Variants in ALDH5A1 observed in about 807,000 individuals in gnomAD.
ALDH5A1 encodes aldehyde dehydrogenase 5 family member A1.
In ALDH5A1, 33 loss-of-function variants were observed where a neutral mutation model predicts 54.7. The observed-to-expected ratio is 0.60, with a 90% CI of 0.46 to 0.81. ALDH5A1 has a LOEUF of 0.81. Ranked by LOEUF, ALDH5A1 falls within the 30% of genes least tolerant of loss-of-function variation. The pLI, the probability that ALDH5A1 is intolerant of heterozygous loss-of-function variation, is 0.00. For synonymous variants in ALDH5A1, 294 were observed against 292.7 expected, an observed-to-expected ratio of 1.00 and a Z score of -0.05; for missense variants, 657 against 711.0, an observed-to-expected ratio of 0.92 and a Z score of 0.86.
chr6:24,503,370 G>A lies in ALDH5A1; in HGVS notation c.546G>A (p.Pro182=), dbSNP rs779987239. The A allele has an allele frequency of 6.2e-6, 10 of 1,613,992 alleles. No homozygotes were observed. The Middle Eastern group carries it at 6.6e-4, about 107-fold the overall frequency. The change falls in exon 3 of 10, where the codon CCG becomes CCA. Residue 182 remains proline, a synonymous_variant. Coordinates refer to ENST00000357578, the MANE Select transcript of ALDH5A1 (RefSeq NM_001080.3). ...TTTACGGAGACATTATCCACACCCC[G>A]GCAAAGGACAGGCGGGCCCTGGTCC... is the stretch of plus-strand genomic sequence containing the variant. ...RRVYGDIIHT[P]AKDRRALVLK... is the part of the protein sequence containing the mutation.
At chr6:24,525,735 C>A (rs1366333497) in intron 7 of ALDH5A1, among the ~76,000 whole-genome samples, 1 of 151,998 alleles carries the variant, frequency 6.6e-6, no homozygotes, top group Non-Finnish European at 1.5e-5. Flanking sequence ...GATGGGTCTA[C>A]CCAGGGGAAC....
chr6:24,504,779 A>C (rs1263038218), intron 3 of ALDH5A1, 90 bp from the exon 4 acceptor site: 1 of 1,297,796 alleles, frequency 7.7e-7, no homozygotes, highest in Non-Finnish European at 1.1e-6. Context: ...TGTGCAATGA[A>C]ATTTGTTCAC....
chr6:24,526,944 TATATA>T (rs1264976221), intron 7 of ALDH5A1, among the ~76,000 whole-genome samples: 1 of 120,188 alleles, frequency 8.3e-6, no homozygotes, highest in African/African-American at 3.4e-5. Context: ...ATATTCTATA[TATATA>T]TCTAATATAT....
chr6:24,529,942 GATT>G (rs1759897095), intron 8 of ALDH5A1, among the ~76,000 whole-genome samples: 1 of 152,166 alleles, frequency 6.6e-6, no homozygotes, highest in Non-Finnish European at 1.5e-5. Flanking sequence ...AAAGGGCTGG[GATT>G]ACAGGCGTGA....
intron 1 of ALDH5A1, among the ~76,000 whole-genome samples, chr6:24,497,612 T>A (rs893884189): frequency 1.1e-4 from 16 of 149,614 alleles, no homozygotes; most frequent in Non-Finnish European, 2.3e-4. Flanking sequence ...GAAGTCCAGC[T>A]GGCTTCACCT....
chr6:24,504,605 C>T (rs367702963), intron 3 of ALDH5A1, among the ~76,000 whole-genome samples: 23 of 152,220 alleles, frequency 1.5e-4, no homozygotes, highest in African/African-American at 3.9e-4. Context: ...TGGCCCTTCA[C>T]AGAAAAAGTT....
Position 24,534,855 on chromosome 6 carries a change from G to A in ALDH5A1, c.*1143G>A, listed in dbSNP as rs1186725767. On this transcript the variant is annotated 3_prime_UTR_variant, in exon 10 of 10. Transcript: ENST00000357578. ...AAAGAGCAAAAGTACTTTCACCACA[G>A]TCAACCCAAAAGGGAAAGAATTTCT... The A allele has an allele frequency of 6.6e-6, 1 of 152,174 alleles. No homozygotes were observed. The highest frequency in any genetic ancestry group is 1.5e-5 in the Non-Finnish European group (1 of 68,058). The allele number at this position is 152,174 out of a possible 1,614,324, so 9.4% of individuals were successfully genotyped here.
At chr6:24,511,899 A>C in intron 4 of ALDH5A1, 1 of 591,974 alleles carries the variant, frequency 1.7e-6, no homozygotes. Flanking sequence ...GGGGGTGTTA[A>C]AGAATCTTGT....
intron 5 of ALDH5A1, among the ~76,000 whole-genome samples, chr6:24,516,179 G>A (rs1314553775): frequency 2.0e-5 from 3 of 152,006 alleles, no homozygotes; most frequent in South Asian, 2.1e-4. Flanking sequence ...GCTCACACCT[G>A]TAATCCCAAC....
Position 24,506,243 on chromosome 6 carries a change from CTTTTTTTTTTTTTTT to C in ALDH5A1, c.726+1274_726+1288del, listed in dbSNP as rs70974913. 5.1e-3 allele frequency among the ~76,000 whole-genome samples: 268 copies of C among 52,166 alleles called. 11 individuals carry two copies. The highest frequency in any genetic ancestry group is 6.3e-3 in the Non-Finnish European group (183 of 29,138). The allele number at this position is 52,166 out of a possible 152,430, so 34.2% of individuals were successfully genotyped here. On this transcript the variant is annotated intron_variant, in intron 4 of 9. Transcript: ENST00000357578. ...TCTGCACCTCCTTCTTTCCTGGTTC[CTTTTTTTTTTTTTTT>C]TTTTTTTTTTTTTTTGAGACAGTCT...
At chr6:24,511,950 T>C (rs1759469425) in intron 4 of ALDH5A1, 1 of 523,542 alleles carries the variant, frequency 1.9e-6, no homozygotes, top group East Asian at 3.3e-5. Context: ...TTTCTTCTTA[T>C]TGGGGTAGGC....
chr6:24,504,994 C>G lies in ALDH5A1; in HGVS notation c.726+9C>G, dbSNP rs1405515119. The G allele has an allele frequency of 1.9e-6, 3 of 1,612,324 alleles. No individual in the cohort carries two copies. The East Asian group carries it at 6.7e-5, about 36-fold the overall frequency. On this transcript the variant is annotated intron_variant, in intron 4 of 9. Transcript: ENST00000357578. ...CCCTGGCCCTGGCTGAGGTGAGCCG[C>G]TCTCCCTGTGTTTGTACAAAGCAGA... is the stretch of plus-strand genomic sequence containing the variant.
chr6:24,516,661 C>T (rs1278823979), intron 5 of ALDH5A1, among the ~76,000 whole-genome samples: 3 of 151,462 alleles, frequency 2.0e-5, no homozygotes, highest in East Asian at 2.0e-4. Context: ...TAAATCTGCC[C>T]AGGCGTGGTG....
Position 24,518,886 on chromosome 6 carries a change from C to T in ALDH5A1, c.871-1515C>T, listed in dbSNP as rs1046516037. On this transcript the variant is annotated intron_variant, in intron 5 of 9. Coordinates refer to ENST00000357578, the MANE Select transcript of ALDH5A1 (RefSeq NM_001080.3). The surrounding 1 kb of genome is among the most constrained non-coding windows in gnomAD (Gnocchi z 4.2). The stretch of plus-strand genomic sequence containing the variant: ...CACTCGAACTATCTCAAGTGTGGTC[C>T]CATCTTTCCTGCAGCCATGACTAGA... Among the ~76,000 whole-genome samples, 1 of 152,148 alleles carries T rather than the reference C, an allele frequency of 6.6e-6. No homozygotes were observed. The highest frequency in any genetic ancestry group is 1.5e-5 in the Non-Finnish European group (1 of 68,024).
Position 24,503,338 on chromosome 6 carries a change from C to T in ALDH5A1, c.514C>T (p.Arg172Cys), listed in dbSNP as rs551902853. 16 of 1,614,074 alleles carry T rather than the reference C, an allele frequency of 9.9e-6. No individual in the cohort carries two copies. The highest frequency in any genetic ancestry group is 5.0e-5 in the Admixed American group (3 of 60,012). ...FFLEWFSEEA[R>C]RVYGDIIHTP... The stretch of plus-strand genomic sequence containing the variant: ...CCTAGAGTGGTTCTCTGAGGAAGCC[C>T]GCCGTGTTTACGGAGACATTATCCA... Residue 172 changes from arginine (R) to cysteine (C), a missense_variant, in exon 3 of 10, where the codon CGC becomes TGC. Around this residue, in one of 2 missense-constraint regions of ALDH5A1, gnomAD observed 425 missense variants for 516.4 expected, o/e 0.82. Transcript: ENST00000357578.
intron 4 of ALDH5A1, among the ~76,000 whole-genome samples, chr6:24,513,918 G>C (rs576741325): frequency 6.6e-6 from 1 of 152,312 alleles, no homozygotes; most frequent in South Asian, 2.1e-4. Flanking sequence ...GAGATACCTT[G>C]TTGTAAATGT....
At chr6:24,527,374 C>G (rs1318543158) in intron 7 of ALDH5A1, among the ~76,000 whole-genome samples, 1 of 151,978 alleles carries the variant, frequency 6.6e-6, no homozygotes, top group African/African-American at 2.4e-5. Flanking sequence ...GAGTTCGAGA[C>G]CAGCCTGGCC....
chr6:24,526,974 G>GTGTATATATATATA (rs1410523920), intron 7 of ALDH5A1, among the ~76,000 whole-genome samples: 1 of 30,610 alleles, frequency 3.3e-5, no homozygotes, highest in African/African-American at 9.9e-5. Context: ...ATGTGTGTGT[G>GTGTATATATATATA]TATATATATA....
chr6:24,497,126 T>G (rs1488449590), intron 1 of ALDH5A1, among the ~76,000 whole-genome samples: 1 of 152,186 alleles, frequency 6.6e-6, no homozygotes, highest in Non-Finnish European at 1.5e-5. Flanking sequence ...ACATTTATTG[T>G]GAAGAGCAAA....
Sources: gnomAD v4.1 joint callset for allele counts (sites outside exome capture counted in the v4.1 genomes callset) on GRCh38, gnomAD v4.1.1 for gene constraint, gnomAD v4.1.1 regional missense constraint, Gnocchi (gnomAD v3.1) non-coding constraint, MANE v1.5 for transcripts, NCBI Gene and HGNC (gene_info 2026-07-23, HGNC 2026-07-21) for gene names.